GNB4: variants seen among roughly 807,000 people sequenced by gnomAD.
The protein encoded by GNB4 is guanine nucleotide-binding protein subunit beta-4.
A neutral mutation model predicts 45.2 loss-of-function variants in GNB4; 28 were observed. The ratio of observed to expected loss-of-function variants is 0.62; its 90% CI spans 0.46 to 0.85. The LOEUF is 0.85. GNB4 is among the 40% of genes least tolerant of loss of function. GNB4 has a pLI of 0.00. For missense variants in GNB4, 321 were observed against 425.4 expected (o/e 0.75, Z 2.16); for synonymous variants, 132 against 143.7 (o/e 0.92, Z 0.58).
the GNB4 span, among the ~76,000 whole-genome samples, chr3:179,496,088 A>C: frequency 2.0e-5 from 3 of 152,236 alleles, no homozygotes; most frequent in Non-Finnish European, 4.4e-5. Context: ...AATCCTTTTT[A>C]ACAGTAGTAC....
At chr3:179,434,849 G>A (rs1715403148) in intron 1 of GNB4, among the ~76,000 whole-genome samples, 1 of 152,110 alleles carries the variant, frequency 6.6e-6, no homozygotes, top group Admixed American at 6.6e-5. Context: ...AGGAGTTCAA[G>A]GCTGCAGTGA....
chr3:179,474,270 G>A, the GNB4 span, among the ~76,000 whole-genome samples: 1 of 151,856 alleles, frequency 6.6e-6, no homozygotes, highest in East Asian at 1.9e-4. Flanking sequence ...TGTCTCCCAG[G>A]CTAGAGTGCA....
the GNB4 span, among the ~76,000 whole-genome samples, chr3:179,518,659 C>T: frequency 6.6e-6 from 1 of 152,130 alleles, no homozygotes; most frequent in Admixed American, 6.6e-5. Context: ...AAGCAATTTC[C>T]TCTTAAAAAG....
chr3:179,457,055 AC>A, the GNB4 span, among the ~76,000 whole-genome samples: 237 of 152,336 alleles, frequency 1.6e-3, 2 homozygotes, highest in African/African-American at 5.5e-3. Flanking sequence ...CTTACTCTAA[AC>A]ATGTTTATTT....
At chr3:179,489,409 A>T in the GNB4 span, among the ~76,000 whole-genome samples, 1 of 151,894 alleles carries the variant, frequency 6.6e-6, no homozygotes, top group Non-Finnish European at 1.5e-5. Context: ...ACTGAGGAGG[A>T]GGATTGTTTG....
At chr3:179,465,110 A>G in the GNB4 span, 2 of 1,400,488 alleles carry the variant, frequency 1.4e-6, no homozygotes, top group Non-Finnish European at 2.0e-6. Flanking sequence ...TGCTGCAGGT[A>G]TTCCAAATCT....
intron 2 of GNB4, among the ~76,000 whole-genome samples, chr3:179,424,353 G>C (rs1255070978): frequency 1.3e-5 from 2 of 152,222 alleles, no homozygotes; most frequent in Non-Finnish European, 2.9e-5. Context: ...ATCGAATTCA[G>C]AGATGAGTCT....
At chr3:179,524,575 G>C in the GNB4 span, among the ~76,000 whole-genome samples, 1 of 152,206 alleles carries the variant, frequency 6.6e-6, no homozygotes, top group African/African-American at 2.4e-5. Flanking sequence ...TGTGGGGTTT[G>C]AGGGCCAGGA....
the GNB4 span, among the ~76,000 whole-genome samples, chr3:179,512,639 G>A: frequency 6.6e-6 from 1 of 152,200 alleles, no homozygotes; most frequent in Non-Finnish European, 1.5e-5. Context: ...TGGACTCTGG[G>A]AAAGCACACT....
upstream of GNB4, among the ~76,000 whole-genome samples, chr3:179,455,924 C>A (rs1313872847): frequency 6.6e-6 from 1 of 152,148 alleles, no homozygotes; most frequent in Non-Finnish European, 1.5e-5. Flanking sequence ...TCACGTAGGG[C>A]TTTCCACGGG....
chr3:179,417,877 T>C (rs1462903895), intron 4 of GNB4, among the ~76,000 whole-genome samples: 1 of 152,182 alleles, frequency 6.6e-6, no homozygotes, highest in Non-Finnish European at 1.5e-5. Context: ...AAGATCTATC[T>C]GATAGTGGGG....
At chr3:179,448,648 C>A (rs767430406) in intron 1 of GNB4, among the ~76,000 whole-genome samples, 6 of 152,158 alleles carry the variant, frequency 3.9e-5, no homozygotes, top group Non-Finnish European at 8.8e-5. Flanking sequence ...ACATTCAGAA[C>A]AAGGCCATTC....
intron 1 of GNB4, among the ~76,000 whole-genome samples, chr3:179,446,231 A>T (rs1715721241): frequency 6.6e-6 from 1 of 152,192 alleles, no homozygotes; most frequent in Admixed American, 6.5e-5. Context: ...TGAAGCATGA[A>T]GATTTAGGGC....
the GNB4 span, among the ~76,000 whole-genome samples, chr3:179,475,984 C>T: frequency 6.6e-6 from 1 of 152,216 alleles, no homozygotes; most frequent in Admixed American, 6.5e-5. Flanking sequence ...ATACAATATA[C>T]CTTCACTCCA....
At chr3:179,486,267 T>A in the GNB4 span, among the ~76,000 whole-genome samples, 1 of 151,704 alleles carries the variant, frequency 6.6e-6, no homozygotes, top group Non-Finnish European at 1.5e-5. Context: ...GTAATTTGCC[T>A]TTCCTCCAGT....
intron 2 of GNB4, among the ~76,000 whole-genome samples, chr3:179,423,398 CTA>C (rs1491400490): frequency 3.3e-5 from 5 of 152,174 alleles, no homozygotes; most frequent in East Asian, 1.9e-4. Flanking sequence ...ACTAAGTCCT[CTA>C]TGTGTTATTT....
chr3:179,430,920 A>G lies in GNB4; in HGVS notation c.-42-4678T>C, dbSNP rs577825096. Among the ~76,000 whole-genome samples, 6 of 152,302 alleles carry G rather than the reference A, an allele frequency of 3.9e-5. No homozygotes were observed. The South Asian group carries it at 1.2e-3, about 32-fold the overall frequency. Reference sequence around the variant, plus strand: ...ATTCATCATAGCTTCACAAAGTATTAATTTTTTTTGCTGTATTTGCTTTAT... The same window carrying G: ...ATTCATCATAGCTTCACAAAGTATTGATTTTTTTTGCTGTATTTGCTTTAT... On this transcript the variant is annotated intron_variant, in intron 1 of 9. Transcript: ENST00000232564.
intron 8 of GNB4, among the ~76,000 whole-genome samples, chr3:179,409,826 AAC>A (rs1560211870): frequency 8.6e-6 from 1 of 116,866 alleles, no homozygotes; most frequent in African/African-American, 3.4e-5. Context: ...AAAACAAAAA[AAC>A]AAAACAAAAA....
At chr3:179,437,225 CCA>C (rs756253433) in intron 1 of GNB4, among the ~76,000 whole-genome samples, 1 of 152,080 alleles carries the variant, frequency 6.6e-6, no homozygotes, top group Non-Finnish European at 1.5e-5. Flanking sequence ...AGAGCAGCAC[CCA>C]CAGAGTCAAG....
Sources: gnomAD v4.1 joint callset for allele counts (sites outside exome capture counted in the v4.1 genomes callset) on GRCh38, gnomAD v4.1.1 for gene constraint, MANE v1.5 for transcripts, NCBI Gene and HGNC (gene_info 2026-07-23, HGNC 2026-07-21) for gene names.